The following FRMD4A variants were observed in gnomAD, a reference collection of about 807,000 sequenced individuals.
FRMD4A encodes the protein FERM domain containing 4A, also known as FERM domain-containing protein 4A.
FRMD4A carries 29 observed loss-of-function variants against 129.1 expected under a neutral mutation model. That is an observed-to-expected ratio of 0.22 (90% CI 0.17 to 0.31). The LOEUF is 0.31. Among genes scored for constraint, FRMD4A ranks in the 10% least tolerant of loss-of-function variants. FRMD4A has a pLI of 1.00. For synonymous variants in FRMD4A, 634 were observed against 571.6 expected, an observed-to-expected ratio of 1.11 and a Z score of -1.56; for missense variants, 1,272 against 1,375.8, an observed-to-expected ratio of 0.92 and a Z score of 1.19.
intron 12 of FRMD4A, chr10:13,710,625 G>A (rs2087923704): frequency 6.6e-6 from 1 of 152,256 alleles, no homozygotes; most frequent in Non-Finnish European, 1.5e-5. Context: ...ATGAATTTTT[G>A]TTTTGCAAAT....
chr10:13,651,929 TG>T lies in FRMD4A; in HGVS notation c.3095del (p.Pro1032HisfsTer26). On this transcript the variant is annotated frameshift_variant, in exon 24 of 25. Coordinates refer to ENST00000357447, the MANE Select transcript of FRMD4A (RefSeq NM_018027.5). LOFTEE classifies it high-confidence loss of function. Reference sequence around the variant, plus strand: ...TCTATTCATCAGTACTTTGGTGAGGTGGAGACTCAGACCCATCCAGAATGGG... The same window carrying T: ...TCTATTCATCAGTACTTTGGTGAGGTGAGACTCAGACCCATCCAGAATGGG... ...NSPILDGSES[P>X]PHQSTDE 1 of 1,593,504 alleles carries T rather than the reference TG, an allele frequency of 6.3e-7. No homozygotes were observed. The highest frequency in any genetic ancestry group is 8.6e-7 in the Non-Finnish European group (1 of 1,161,200).
intron 16 of FRMD4A, among the ~76,000 whole-genome samples, chr10:13,671,080 G>A (rs1391281402): frequency 6.6e-6 from 1 of 152,218 alleles, no homozygotes; most frequent in Non-Finnish European, 1.5e-5. Context: ...TAGAAACTGA[G>A]TAAGGATAGT....
intron 6 of FRMD4A, among the ~76,000 whole-genome samples, chr10:13,764,029 C>G (rs1169289944): frequency 6.6e-6 from 1 of 152,092 alleles, no homozygotes. Flanking sequence ...GCCACTGCAC[C>G]CGGCCAAAAC....
intron 2 of FRMD4A, among the ~76,000 whole-genome samples, chr10:14,235,978 T>C (rs1331358277): frequency 1.3e-5 from 2 of 152,178 alleles, no homozygotes; most frequent in Non-Finnish European, 2.9e-5. Flanking sequence ...AGTGTCTAAG[T>C]TTCACTAAAT....
At chr10:14,153,101 A>C (rs770203971) in intron 2 of FRMD4A, among the ~76,000 whole-genome samples, 6 of 152,244 alleles carry the variant, frequency 3.9e-5, no homozygotes, top group Non-Finnish European at 8.8e-5. Flanking sequence ...ATGAGCTGTC[A>C]GCAGGGACAA....
At chr10:13,737,220 G>T (rs555594910) in intron 12 of FRMD4A, among the ~76,000 whole-genome samples, 28 of 152,278 alleles carry the variant, frequency 1.8e-4, no homozygotes, top group Middle Eastern at 3.4e-3. Flanking sequence ...CTCCCAAGTA[G>T]CTGGGATTAC....
rs567761394 is a variant in FRMD4A, at chr10:13,825,445, C to T, written c.112-14537G>A. On this transcript the variant is annotated intron_variant, in intron 3 of 24. Coordinates refer to ENST00000357447, the MANE Select transcript of FRMD4A (RefSeq NM_018027.5). ...CCTAAGCAGCAGTATTAGATTCTCC[C>T]GGGAACCCGAACCCTACTGTGAACT... 9.8e-5 allele frequency among the ~76,000 whole-genome samples: 15 copies of T among 152,302 alleles called. No individual in the cohort carries two copies. In the East Asian group the frequency reaches 2.3e-3, roughly 24 times the overall value.
intron 2 of FRMD4A, among the ~76,000 whole-genome samples, chr10:13,986,457 T>G (rs374799645): frequency 8.0e-6 from 1 of 125,094 alleles, no homozygotes; most frequent in Non-Finnish European, 1.6e-5. Context: ...TGAGAACACA[T>G]GGACACAGGA....
chr10:14,203,147 A>G (rs1442223434), intron 2 of FRMD4A, among the ~76,000 whole-genome samples: 5 of 152,168 alleles, frequency 3.3e-5, no homozygotes, highest in Non-Finnish European at 5.9e-5. Flanking sequence ...GGTATACTAC[A>G]CATTCACTGG....
intron 2 of FRMD4A, among the ~76,000 whole-genome samples, chr10:13,975,520 C>T (rs543865396): frequency 1.2e-4 from 18 of 150,434 alleles, no homozygotes; most frequent in African/African-American, 3.7e-4. Context: ...TATGTGTGTA[C>T]TGTGTCTGTG....
intron 2 of FRMD4A, among the ~76,000 whole-genome samples, chr10:14,184,544 T>A (rs903691212): frequency 2.6e-5 from 4 of 152,096 alleles, no homozygotes; most frequent in African/African-American, 9.7e-5. Flanking sequence ...GTATTTTTTG[T>A]TGTTGTTCCA....
chr10:14,093,548 C>T (rs192917551), intron 2 of FRMD4A, among the ~76,000 whole-genome samples: 6 of 152,310 alleles, frequency 3.9e-5, no homozygotes, highest in Non-Finnish European at 7.3e-5. Context: ...TCACAATGCT[C>T]ACACCCACTC....
chr10:14,066,008 T>TG (rs1588899002), intron 2 of FRMD4A, among the ~76,000 whole-genome samples: 42 of 139,128 alleles, frequency 3.0e-4, no homozygotes, highest in African/African-American at 1.1e-3. Flanking sequence ...GGGTATGTAT[T>TG]TGTGTGTGTG....
intron 2 of FRMD4A, among the ~76,000 whole-genome samples, chr10:14,019,270 G>T (rs182788390): frequency 6.6e-6 from 1 of 152,306 alleles, no homozygotes; most frequent in East Asian, 1.9e-4. Context: ...TTACCAAATT[G>T]AGAGGAGTTA....
At chr10:14,320,961 C>T (rs1843023622) in intron 2 of FRMD4A, among the ~76,000 whole-genome samples, 1 of 152,354 alleles carries the variant, frequency 6.6e-6, no homozygotes, top group Non-Finnish European at 1.5e-5. Flanking sequence ...CGTCCTCAGT[C>T]ACTCCTCTAA....
intron 2 of FRMD4A, among the ~76,000 whole-genome samples, chr10:14,067,228 A>C (rs1251711769): frequency 1.3e-5 from 2 of 151,944 alleles, no homozygotes; most frequent in African/African-American, 4.8e-5. Context: ...AGGCAGGAGA[A>C]TCGCTTGAAC....
At chr10:14,125,755 G>GAA (rs1838800843) in intron 2 of FRMD4A, among the ~76,000 whole-genome samples, 2 of 131,754 alleles carry the variant, frequency 1.5e-5, no homozygotes, top group South Asian at 5.3e-4. Context: ...ACACTCATGC[G>GAA]CACGCGCACA....
chr10:14,087,399 T>C, intron 2 of FRMD4A: 1 of 149,998 alleles, frequency 6.7e-6, no homozygotes, highest in Non-Finnish European at 1.5e-5. Flanking sequence ...TTCTATTTAA[T>C]TCCAAGCATT....
At chr10:13,751,263 G>A (rs973813288) in intron 8 of FRMD4A, among the ~76,000 whole-genome samples, 1 of 152,164 alleles carries the variant, frequency 6.6e-6, no homozygotes, top group Non-Finnish European at 1.5e-5. Flanking sequence ...TTTCCTCACT[G>A]AAGCCTGCAG....
Sources: allele counts gnomAD v4.1 joint callset (sites outside exome capture counted in the v4.1 genomes callset), GRCh38; gene constraint gnomAD v4.1.1; transcripts MANE v1.5; gene names NCBI Gene and HGNC (gene_info 2026-07-23, HGNC 2026-07-21).